Variants in RAB33B observed in about 807,000 individuals in gnomAD.
The protein encoded by RAB33B is RAB33B, member RAS oncogene family, also known as ras-related protein Rab-33B.
In RAB33B, 6 loss-of-function variants were observed where a neutral mutation model predicts 15.0. That is an observed-to-expected ratio of 0.40 (90% CI 0.22 to 0.79). The LOEUF is 0.79. Ranked by LOEUF, RAB33B falls within the 30% of genes least tolerant of loss-of-function variation. The pLI, the probability that RAB33B is intolerant of heterozygous loss-of-function variation, is 0.37. For missense variants in RAB33B, 257 were observed against 296.4 expected (o/e 0.87, Z 0.98); for synonymous variants, 117 against 108.3 (o/e 1.08, Z -0.50).
the RAB33B span, among the ~76,000 whole-genome samples, chr4:139,447,426 A>C: frequency 6.6e-6 from 1 of 152,072 alleles, no homozygotes; most frequent in Non-Finnish European, 1.5e-5. Flanking sequence ...CACTAGCAAA[A>C]GTTTTGCTTC....
At chr4:139,438,932 T>C in the RAB33B span, among the ~76,000 whole-genome samples, 1 of 152,250 alleles carries the variant, frequency 6.6e-6, no homozygotes, top group East Asian at 1.9e-4. Context: ...CTAGTGGTAA[T>C]GAACTCCCTC....
intron 1 of RAB33B, among the ~76,000 whole-genome samples, chr4:139,467,658 A>G (rs1435303575): frequency 2.0e-5 from 3 of 151,444 alleles, no homozygotes; most frequent in Non-Finnish European, 4.4e-5. Flanking sequence ...AGGAGTTCAG[A>G]CCAGCCTGGC....
chr4:139,454,236 C>T lies in RAB33B; in HGVS notation c.41C>T (p.Ser14Leu). 2.5e-6 allele frequency: 4 copies of T among 1,614,012 alleles called. No individual in the cohort carries two copies. Among genetic ancestry groups the T allele is most frequent in the Non-Finnish European group, 3.4e-6 (4 of 1,179,944 alleles). ...GAGTCGTCGCTCGAGGCAAGCTTTT[C>T]GTCCAGCGGGGCAGTGTCAGGGGCC... ...EMESSLEASF[S>L]SSGAVSGASG... Residue 14 changes from serine (S) to leucine (L), a missense_variant, in exon 1 of 2, where the codon TCG (serine) becomes TTG (leucine). By Grantham distance (145) the Ser-to-Leu change is moderately radical. Coordinates refer to ENST00000305626, the MANE Select transcript of RAB33B (RefSeq NM_031296.3).
In RAB33B at chr4:139,472,991, T is replaced by C. The variant is rs780762814; in HGVS notation, c.555T>C (p.Asn185=). 6.8e-6 allele frequency: 11 copies of C among 1,614,136 alleles called. No individual in the cohort carries two copies. The South Asian group carries it at 8.8e-5, about 13-fold the overall frequency. ...FETSAKNPND[N]DHVEAIFMTL... ...CGTCTGCTAAAAACCCCAATGATAA[T>C]GACCATGTGGAAGCTATATTTATGA... Residue 185 remains asparagine (N), a synonymous_variant, in exon 2 of 2, where the codon AAT becomes AAC. Transcript: ENST00000305626.
At position 139,464,107 on chromosome 4, in the gene RAB33B, C is replaced by T. The variant is rs537457472; in HGVS notation, c.250-8579C>T. 9.8e-4 allele frequency among the ~76,000 whole-genome samples: 149 copies of T among 152,220 alleles called. 3 individuals are homozygous for T. In the South Asian group the frequency reaches 0.01, roughly 11 times the overall value. ...GGGCAACATAGTGTGACCACCCCCC[C>T]ACTGTCTCTACAAAAAGTAAAAACT... On this transcript the variant is annotated intron_variant, in intron 1 of 1. Transcript: ENST00000305626.
At position 139,463,843 on chromosome 4, in the gene RAB33B, AAGGCAGC is replaced by A. The variant is rs550089750; in HGVS notation, c.250-8833_250-8827del. 2.4e-4 allele frequency among the ~76,000 whole-genome samples: 36 copies of A among 152,322 alleles called. 1 individual carries two copies. The East Asian group carries it at 6.9e-3, about 29-fold the overall frequency. On this transcript the variant is annotated intron_variant, in intron 1 of 1. Coordinates refer to ENST00000305626, the MANE Select transcript of RAB33B (RefSeq NM_031296.3). ...TTCTCATCTCAGTGTGCAGGCCTGG[AAGGCAGC>A]AGGCAGCAGTAGCCCTAAGCCTTCC...
At chr4:139,444,323 G>A in the RAB33B span, among the ~76,000 whole-genome samples, 1 of 152,188 alleles carries the variant, frequency 6.6e-6, no homozygotes, top group South Asian at 2.1e-4. Flanking sequence ...TAATGTAGAG[G>A]AAGGGATCCA....
At chr4:139,444,831 T>C in the RAB33B span, among the ~76,000 whole-genome samples, 1 of 152,178 alleles carries the variant, frequency 6.6e-6, no homozygotes, top group Admixed American at 6.5e-5. Context: ...GCTCCCTGAC[T>C]GGTAGAGTAA....
rs528268906 is a variant in RAB33B, at chr4:139,460,785, T to C, written c.249+6341T>C. On this transcript the variant is annotated intron_variant, in intron 1 of 1. Coordinates refer to ENST00000305626, the MANE Select transcript of RAB33B (RefSeq NM_031296.3). ...TGGTCTGAAAAAGACTTTGAATTGC[T>C]GGGGTTTGGTCCTGGGGCTGGCATG... Among the ~76,000 whole-genome samples, 24 of 152,348 alleles carry C rather than the reference T, an allele frequency of 1.6e-4. No individual in the cohort carries two copies. In the South Asian group the frequency reaches 4.6e-3, roughly 29 times the overall value.
upstream of RAB33B, chr4:139,451,522 G>A (rs1749927128): frequency 6.6e-6 from 1 of 151,908 alleles, no homozygotes; most frequent in African/African-American, 2.4e-5. Flanking sequence ...TTACAGGCAT[G>A]TGCCACCACA....
intron 1 of RAB33B, among the ~76,000 whole-genome samples, chr4:139,471,398 C>T (rs1220755527): frequency 2.0e-5 from 3 of 152,082 alleles, no homozygotes; most frequent in South Asian, 2.1e-4. Flanking sequence ...CGCTGCTGCT[C>T]GGGGTGCAGG....
chr4:139,450,699 A>G (rs1482268636), upstream of RAB33B: 1 of 152,218 alleles, frequency 6.6e-6, no homozygotes, highest in East Asian at 1.9e-4. Flanking sequence ...CCTTTCTTTC[A>G]TAGGCAATCA....
At chr4:139,472,560 A>G (rs1174759455) in intron 1 of RAB33B, 126 bp from the exon 2 acceptor site, 2 of 699,474 alleles carry the variant, frequency 2.9e-6, no homozygotes, top group African/African-American at 3.6e-5. Flanking sequence ...AAAAGACATT[A>G]TGGAAGGGAG....
At chr4:139,450,004 A>G (rs1749890514), upstream of RAB33B, 1 of 152,208 alleles carries the variant, frequency 6.6e-6, no homozygotes, top group South Asian at 2.1e-4. Flanking sequence ...AAGCACCTCT[A>G]GGGTAAAATT....
In RAB33B at chr4:139,473,574, G is replaced by A. The variant is rs543610291; in HGVS notation, c.*448G>A. ...TTTTTTGTTTTTTCATAGAGACGGG[G>A]TCTTGCTATGTTGTCCAGGCTGGCC... On this transcript the variant is annotated 3_prime_UTR_variant, in exon 2 of 2. Coordinates refer to ENST00000305626, the MANE Select transcript of RAB33B (RefSeq NM_031296.3). 6.3e-6 allele frequency: 1 copy of A among 158,576 alleles called. No homozygotes were observed. The highest frequency in any genetic ancestry group is 1.4e-5 in the Non-Finnish European group (1 of 71,790). 9.8% of individuals were successfully genotyped at this position (158,576 alleles called of 1,614,324 possible).
chr4:139,447,105 G>A, the RAB33B span, among the ~76,000 whole-genome samples: 28 of 152,132 alleles, frequency 1.8e-4, no homozygotes, highest in East Asian at 1.5e-3. Context: ...CATTGCCTCT[G>A]ACCAAGGCAC....
chr4:139,443,687 G>A, the RAB33B span, among the ~76,000 whole-genome samples: 1 of 152,220 alleles, frequency 6.6e-6, no homozygotes, highest in Non-Finnish European at 1.5e-5. Context: ...GGAAAAGAAT[G>A]GGACACTGTA....
At chr4:139,439,193 G>A in the RAB33B span, among the ~76,000 whole-genome samples, 5 of 152,106 alleles carry the variant, frequency 3.3e-5, no homozygotes, top group African/African-American at 4.8e-5. Flanking sequence ...GTAGAGATGG[G>A]GTTTCACTGT....
chr4:139,460,067 G>A (rs1750143516), intron 1 of RAB33B, among the ~76,000 whole-genome samples: 1 of 152,164 alleles, frequency 6.6e-6, no homozygotes, highest in African/African-American at 2.4e-5. Context: ...GATAGAAGAG[G>A]TATTTTGAAG....
Sources: allele counts gnomAD v4.1 joint callset (sites outside exome capture counted in the v4.1 genomes callset), GRCh38; gene constraint gnomAD v4.1.1; transcripts MANE v1.5; gene names NCBI Gene and HGNC (gene_info 2026-07-23, HGNC 2026-07-21).